The following CRISPLD2 variants were observed in gnomAD, a reference collection of about 807,000 sequenced individuals.
CRISPLD2 encodes the protein cysteine-rich secretory protein LCCL domain-containing 2.
Under a neutral mutation model 71.1 loss-of-function variants are expected in CRISPLD2, and 47 were observed. The observed-to-expected ratio is 0.66, with a 90% confidence interval of 0.52 to 0.84. The LOEUF is 0.84. Among genes scored for constraint, CRISPLD2 ranks in the 40% least tolerant of loss-of-function variants. The pLI is 0.00. For synonymous variants in CRISPLD2, 317 were observed against 250.1 expected, an observed-to-expected ratio of 1.27 and a Z score of -2.52; for missense variants, 830 against 651.1, an observed-to-expected ratio of 1.27 and a Z score of -2.99.
At chr16:84,897,641 G>C (rs945352377) in intron 14 of CRISPLD2, among the ~76,000 whole-genome samples, 2 of 152,102 alleles carry the variant, frequency 1.3e-5, no homozygotes, top group African/African-American at 2.4e-5. Context: ...CGGAGTTTCA[G>C]AGTTTCGCTG....
intron 6 of CRISPLD2, among the ~76,000 whole-genome samples, chr16:84,862,276 C>T (rs761225116): frequency 2.0e-5 from 3 of 152,090 alleles, no homozygotes; most frequent in Non-Finnish European, 4.4e-5. Context: ...AATCTTGGCT[C>T]ACTGCAGCCT....
intron 6 of CRISPLD2, among the ~76,000 whole-genome samples, chr16:84,866,058 A>G (rs1917526270): frequency 6.6e-6 from 1 of 152,070 alleles, no homozygotes; most frequent in Middle Eastern, 3.2e-3. Context: ...GGAGGAGAGA[A>G]GGGATGGAAG....
chr16:84,895,918 G>C (rs2071701756), intron 14 of CRISPLD2, among the ~76,000 whole-genome samples: 1 of 152,130 alleles, frequency 6.6e-6, no homozygotes, highest in South Asian at 2.1e-4. Context: ...CTGAGGCTCA[G>C]AGAAAAGGGT....
At chr16:84,883,904 C>T (rs551813469) in intron 13 of CRISPLD2, among the ~76,000 whole-genome samples, 115 of 147,090 alleles carry the variant, frequency 7.8e-4, no homozygotes, top group Non-Finnish European at 1.5e-3. Context: ...AGTGCAGTGG[C>T]GTGACCTCGG....
In CRISPLD2 at chr16:84,876,833, CTAAA is replaced by C. The variant is rs892596484; in HGVS notation, c.1157-600_1157-597del. Among the ~76,000 whole-genome samples, 29 of 152,222 alleles carry C rather than the reference CTAAA, an allele frequency of 1.9e-4. 1 individual carries two copies. The highest frequency in any genetic ancestry group is 1.7e-3 in the Admixed American group (26 of 15,278). ...AAGAAAAAGTTTACTTAGCCCTGAA[CTAAA>C]TAAAGACATGCTGTCAGAGATCACA... On this transcript the variant is annotated intron_variant, in intron 11 of 14. Transcript: ENST00000262424.
intron 1 of CRISPLD2, among the ~76,000 whole-genome samples, chr16:84,829,896 C>T (rs1255324208): frequency 1.3e-5 from 2 of 152,246 alleles, no homozygotes; most frequent in South Asian, 2.1e-4. Context: ...GCCCCTTCCT[C>T]ATCCCACGTT....
intron 13 of CRISPLD2, among the ~76,000 whole-genome samples, chr16:84,888,177 C>T (rs1274481010): frequency 6.6e-6 from 1 of 152,212 alleles, no homozygotes; most frequent in Admixed American, 6.5e-5. Flanking sequence ...CGTTTTCTTG[C>T]CTTTTCCGGC....
intron 13 of CRISPLD2, among the ~76,000 whole-genome samples, chr16:84,887,974 T>A (rs2071627837): frequency 2.0e-5 from 3 of 152,192 alleles, no homozygotes; most frequent in Non-Finnish European, 4.4e-5. Flanking sequence ...GGGGGACATT[T>A]TTGTGGACAG....
Position 84,906,921 on chromosome 16 carries a change from C to A in CRISPLD2, c.*279C>A, listed in dbSNP as rs1024369953. The stretch of plus-strand genomic sequence containing the variant: ...TCTCTCCTTTAGAGATCTGAGCTGT[C>A]TCTTAAAGGGGACAGTTGCCCAAAA... On this transcript the variant is annotated 3_prime_UTR_variant, in exon 15 of 15. Transcript: ENST00000262424. 6.7e-5 allele frequency: 34 copies of A among 504,784 alleles called. 1 individual carries two copies. In the Admixed American group the frequency reaches 1.1e-3, roughly 17 times the overall value. The allele number at this position is 504,784 out of a possible 1,614,324, so 31.3% of individuals were successfully genotyped here. A position where few individuals can be genotyped will look rare whatever the true frequency, so the allele number is the denominator to read the frequency against.
chr16:84,881,394 C>G (rs956157796), intron 13 of CRISPLD2, among the ~76,000 whole-genome samples: 2 of 152,146 alleles, frequency 1.3e-5, no homozygotes, highest in African/African-American at 4.8e-5. Flanking sequence ...AGCTTTAGCC[C>G]GGTTTTTCTT....
chr16:84,897,602 T>C (rs1396847354), intron 14 of CRISPLD2, among the ~76,000 whole-genome samples: 1 of 152,202 alleles, frequency 6.6e-6, no homozygotes, highest in East Asian at 1.9e-4. Context: ...AAACACGCCT[T>C]TTTTTGTTGT....
chr16:84,857,426 C>A (rs1293952962), intron 6 of CRISPLD2, among the ~76,000 whole-genome samples: 1 of 152,234 alleles, frequency 6.6e-6, no homozygotes, highest in African/African-American at 2.4e-5. Flanking sequence ...CCCTCTTTCC[C>A]AAATTTCTCT....
chr16:84,867,916 C>T (rs1917586425), intron 7 of CRISPLD2, among the ~76,000 whole-genome samples: 1 of 152,238 alleles, frequency 6.6e-6, no homozygotes, highest in African/African-American at 2.4e-5. Context: ...CTTCAGCTCC[C>T]CCCAGCCACT....
In CRISPLD2 at chr16:84,890,838, A is replaced by T. The variant is rs188233997; in HGVS notation, c.1439+1475A>T. Among the ~76,000 whole-genome samples the T allele has an allele frequency of 2.2e-3, 341 of 152,288 alleles. 1 individual carries two copies. The highest frequency in any genetic ancestry group is 4.0e-3 in the Non-Finnish European group (273 of 68,014). ...ACCAAACAAAGTCCCTAGAAGTGAAATTCCTAAGTGGGGCCTTTCCTGAGT... is the reference window on the plus strand; with the variant it reads ...ACCAAACAAAGTCCCTAGAAGTGAATTTCCTAAGTGGGGCCTTTCCTGAGT... On this transcript the variant is annotated intron_variant, in intron 14 of 14. Transcript: ENST00000262424.
chr16:84,850,550 C>A lies in CRISPLD2; in HGVS notation c.493-18C>A. The stretch of plus-strand genomic sequence containing the variant: ...GCCTTATCCCTCGAGCTGTGACACA[C>A]AAATGTCATCTTTTCAGATAGTTTG... On this transcript the variant is annotated intron_variant, in intron 4 of 14. Coordinates refer to ENST00000262424, the MANE Select transcript of CRISPLD2 (RefSeq NM_031476.4). 2 of 1,607,644 alleles carry A rather than the reference C, an allele frequency of 1.2e-6. No individual in the cohort carries two copies. Among genetic ancestry groups the A allele is most frequent in the African/African-American group, 1.3e-5 (1 of 74,918 alleles).
chr16:84,822,451 G>A (rs1321358889), intron 1 of CRISPLD2, among the ~76,000 whole-genome samples: 3 of 152,190 alleles, frequency 2.0e-5, no homozygotes, highest in Non-Finnish European at 4.4e-5. Flanking sequence ...TTGGCCTGTG[G>A]GAACTGGAAC....
intron 2 of CRISPLD2, 46 bp downstream of exon 2, chr16:84,838,781 C>G: frequency 6.3e-7 from 1 of 1,575,250 alleles, no homozygotes; most frequent in East Asian, 2.3e-5. Context: ...GGGGTGGGGC[C>G]TGGGCCACCA....
chr16:84,852,513 T>C (rs1338118330), intron 5 of CRISPLD2, among the ~76,000 whole-genome samples: 2 of 152,232 alleles, frequency 1.3e-5, no homozygotes, highest in African/African-American at 4.8e-5. Flanking sequence ...TGGTGTTGCG[T>C]GATCACCGGT....
intron 14 of CRISPLD2, among the ~76,000 whole-genome samples, chr16:84,902,931 G>A (rs970312309): frequency 6.6e-6 from 1 of 151,508 alleles, no homozygotes; most frequent in East Asian, 2.0e-4. Flanking sequence ...TGCCACCACA[G>A]CCAGCTAATT....
Sources: allele counts gnomAD v4.1 joint callset (sites outside exome capture counted in the v4.1 genomes callset), GRCh38; gene constraint gnomAD v4.1.1; transcripts MANE v1.5; gene names NCBI Gene and HGNC (gene_info 2026-07-23, HGNC 2026-07-21).